Variants in LRMDA observed in about 807,000 individuals in gnomAD.
LRMDA encodes the protein leucine rich melanocyte differentiation associated, also known as leucine-rich melanocyte differentiation-associated protein.
A neutral mutation model predicts 29.8 loss-of-function variants in LRMDA; 18 were observed. The ratio of observed to expected loss-of-function variants is 0.60; its 90% CI spans 0.42 to 0.90. The LOEUF (loss-of-function observed/expected upper bound fraction) is 0.90, where lower values mean the gene tolerates loss of function less well. LRMDA is among the 40% of genes least tolerant of loss of function. The pLI, the probability that LRMDA is intolerant of heterozygous loss-of-function variation, is 0.00. For missense variants in LRMDA, 273 were observed against 273.9 expected (o/e 1.00, Z 0.02); for synonymous variants, 125 against 109.4 (o/e 1.14, Z -0.89).
chr10:75,436,630 G>A (rs1589143986), intron 1 of LRMDA, among the ~76,000 whole-genome samples: 1 of 152,138 alleles, frequency 6.6e-6, no homozygotes, highest in Non-Finnish European at 1.5e-5. Flanking sequence ...ACCATGCCCG[G>A]CTAATATTTT....
intron 3 of LRMDA, among the ~76,000 whole-genome samples, chr10:76,037,102 G>A (rs1848262211): frequency 6.6e-6 from 1 of 152,176 alleles, no homozygotes; most frequent in African/African-American, 2.4e-5. Flanking sequence ...CTGTGAGAAG[G>A]GTGTGTCTTT....
At chr10:75,476,185 G>A (rs1844789347) in intron 2 of LRMDA, among the ~76,000 whole-genome samples, 1 of 152,196 alleles carries the variant, frequency 6.6e-6, no homozygotes, top group Non-Finnish European at 1.5e-5. Context: ...AATTGCACTA[G>A]GGTTAAGTTG....
At chr10:75,710,664 G>A (rs562558463) in intron 2 of LRMDA, among the ~76,000 whole-genome samples, 2 of 152,356 alleles carry the variant, frequency 1.3e-5, no homozygotes, top group African/African-American at 2.4e-5. Context: ...ATGTGGGTTC[G>A]AGAAACAAAA....
chr10:75,939,447 C>T (rs1846351070), intron 2 of LRMDA, among the ~76,000 whole-genome samples: 1 of 152,100 alleles, frequency 6.6e-6, no homozygotes, highest in South Asian at 2.1e-4. Context: ...GGAGAAAAGG[C>T]ATATCTGCTC....
intron 2 of LRMDA, among the ~76,000 whole-genome samples, chr10:75,676,200 T>G (rs552737969): frequency 6.6e-6 from 1 of 152,312 alleles, no homozygotes; most frequent in Admixed American, 6.5e-5. Context: ...GTGGCCTTAC[T>G]CCTGAACACT....
intron 2 of LRMDA, among the ~76,000 whole-genome samples, chr10:75,925,512 A>T (rs973301765): frequency 4.6e-5 from 7 of 152,156 alleles, no homozygotes; most frequent in Non-Finnish European, 1.0e-4. Flanking sequence ...CTTGAACTGC[A>T]TATGGCCCCA....
chr10:76,427,012 T>C (rs1842134361), intron 6 of LRMDA, among the ~76,000 whole-genome samples: 1 of 152,234 alleles, frequency 6.6e-6, no homozygotes. Context: ...TGTAGCCTTG[T>C]AGTATAGTTT....
At chr10:76,356,503 AC>A (rs1355587278) in intron 6 of LRMDA, among the ~76,000 whole-genome samples, 2 of 152,092 alleles carry the variant, frequency 1.3e-5, no homozygotes, top group African/African-American at 4.8e-5. Flanking sequence ...TTTTGAGAAA[AC>A]CGTATTTTTT....
intron 6 of LRMDA, among the ~76,000 whole-genome samples, chr10:76,342,276 A>T (rs1334546854): frequency 6.6e-6 from 1 of 152,148 alleles, no homozygotes; most frequent in African/African-American, 2.4e-5. Flanking sequence ...TGGGGGATTA[A>T]AAACAAACAA....
At chr10:76,213,148 A>G (rs1203032101) in intron 5 of LRMDA, among the ~76,000 whole-genome samples, 1 of 152,222 alleles carries the variant, frequency 6.6e-6, no homozygotes, top group Non-Finnish European at 1.5e-5. Flanking sequence ...CACACCTTTT[A>G]AAAACAAAAT....
chr10:76,086,007 A>G (rs188625248), intron 5 of LRMDA, among the ~76,000 whole-genome samples: 1 of 151,644 alleles, frequency 6.6e-6, no homozygotes, highest in Non-Finnish European at 1.5e-5. Flanking sequence ...CTTCTGCACC[A>G]CCCCCCGCCC....
chr10:75,839,286 A>T (rs1844493800), intron 2 of LRMDA, among the ~76,000 whole-genome samples: 1 of 152,222 alleles, frequency 6.6e-6, no homozygotes, highest in Non-Finnish European at 1.5e-5. Context: ...AGTGGAGCAA[A>T]CAGATGTTGT....
chr10:75,812,709 T>G (rs1418935523), intron 2 of LRMDA, among the ~76,000 whole-genome samples: 1 of 152,224 alleles, frequency 6.6e-6, no homozygotes, highest in Non-Finnish European at 1.5e-5. Context: ...ACATACATTT[T>G]CTTTTGAGTT....
intron 2 of LRMDA, among the ~76,000 whole-genome samples, chr10:75,694,204 G>A (rs1254356540): frequency 6.6e-6 from 1 of 152,232 alleles, no homozygotes; most frequent in Non-Finnish European, 1.5e-5. Flanking sequence ...AACATGGAGA[G>A]AAGTTCTTTG....
chr10:76,528,842 T>G (rs2132371171), intron 6 of LRMDA, among the ~76,000 whole-genome samples: 1 of 152,310 alleles, frequency 6.6e-6, no homozygotes, highest in Non-Finnish European at 1.5e-5. Flanking sequence ...AAGTTTGATT[T>G]ATGGTCACCA....
rs186689001 is a variant in LRMDA, at chr10:76,538,103, C to T, written c.602-19106C>T. On this transcript the variant is annotated intron_variant, in intron 6 of 6. Coordinates refer to ENST00000611255, the MANE Select transcript of LRMDA (RefSeq NM_001305581.2). ...ATAGTTGTACTATAGATTTAATATACAATTAGGTTCATTTTTTTCTGTTTG... is the reference window on the plus strand; with the variant it reads ...ATAGTTGTACTATAGATTTAATATATAATTAGGTTCATTTTTTTCTGTTTG... Among the ~76,000 whole-genome samples, 323 of 152,144 alleles carry T rather than the reference C, an allele frequency of 2.1e-3. 2 individuals are homozygous for T. Among genetic ancestry groups the T allele is most frequent in the African/African-American group, 7.4e-3 (307 of 41,530 alleles).
At chr10:76,430,008 A>C (rs530298098) in intron 6 of LRMDA, among the ~76,000 whole-genome samples, 32 of 152,352 alleles carry the variant, frequency 2.1e-4, no homozygotes, top group African/African-American at 7.2e-4. Flanking sequence ...TTATATTTCC[A>C]TACTTTATAA....
chr10:76,293,602 G>A (rs1840376171), intron 5 of LRMDA, among the ~76,000 whole-genome samples: 1 of 152,184 alleles, frequency 6.6e-6, no homozygotes, highest in African/African-American at 2.4e-5. Flanking sequence ...ATGTGGTTTG[G>A]TTCTTTAAGT....
chr10:75,864,895 C>T (rs557454561), intron 2 of LRMDA, among the ~76,000 whole-genome samples: 3 of 152,206 alleles, frequency 2.0e-5, no homozygotes, highest in South Asian at 4.1e-4. Flanking sequence ...ATCATACCTC[C>T]TTGTGGTAGG....
Sources: gnomAD v4.1 joint callset for allele counts (sites outside exome capture counted in the v4.1 genomes callset) on GRCh38, gnomAD v4.1.1 for gene constraint, MANE v1.5 for transcripts, NCBI Gene and HGNC (gene_info 2026-07-23, HGNC 2026-07-21) for gene names.